Variants in TFDP1 observed in about 807,000 individuals in gnomAD.
The protein encoded by TFDP1 is DRTF1-polypeptide 1.
TFDP1 carries 6 observed loss-of-function variants against 48.0 expected under a neutral mutation model. The observed-to-expected ratio is 0.13, with a 90% CI of 0.07 to 0.25. The LOEUF is 0.25. TFDP1 is among the 10% of genes least tolerant of loss of function. The pLI, the probability that TFDP1 is intolerant of heterozygous loss-of-function variation, is 1.00. For missense variants in TFDP1, 335 were observed against 543.0 expected (o/e 0.62, Z 3.81); for synonymous variants, 201 against 211.6 (o/e 0.95, Z 0.44).
chr13:113,592,354 T>C (rs1468612576), intron 2 of TFDP1, among the ~76,000 whole-genome samples: 1 of 152,210 alleles, frequency 6.6e-6, no homozygotes, highest in Non-Finnish European at 1.5e-5. Flanking sequence ...ACGGGGTTTC[T>C]TCATGTTGCT....
intron 2 of TFDP1, among the ~76,000 whole-genome samples, chr13:113,594,494 A>ATCCTCAGCCCTGTCCAGGTGACAGGTG (rs2048237818): frequency 1.6e-5 from 1 of 61,192 alleles, no homozygotes; most frequent in African/African-American, 4.1e-5. Flanking sequence ...GGTGACAGGT[A>ATCCTCAGCCCTGTCCAGGTGACAGGTG]TGGTGTGCGC....
intron 4 of TFDP1, 130 bp from the exon 5 acceptor site, chr13:113,631,493 G>T: frequency 1.6e-6 from 2 of 1,221,644 alleles, no homozygotes; most frequent in South Asian, 2.2e-5. Context: ...CGTTTTTCCT[G>T]CTCCGTCATG....
At chr13:113,618,611 G>A (rs2140451907) in intron 3 of TFDP1, among the ~76,000 whole-genome samples, 1 of 152,332 alleles carries the variant, frequency 6.6e-6, no homozygotes, top group Admixed American at 6.5e-5. Context: ...GGCTGCCACT[G>A]GTGCGTCTGG....
intron 1 of TFDP1, 118 bp from the exon 2 acceptor site, chr13:113,585,656 G>T (rs1164644367): frequency 8.5e-6 from 5 of 588,264 alleles, no homozygotes; most frequent in Non-Finnish European, 1.5e-5. Context: ...TCTCAGGATG[G>T]AGGGTGCCTT....
intron 2 of TFDP1, among the ~76,000 whole-genome samples, chr13:113,592,436 C>T (rs916906843): frequency 6.6e-6 from 1 of 152,250 alleles, no homozygotes; most frequent in Non-Finnish European, 1.5e-5. Flanking sequence ...GGATTCCAGG[C>T]GTGAGCCACC....
intron 3 of TFDP1, among the ~76,000 whole-genome samples, chr13:113,616,294 C>T (rs746537381): frequency 5.9e-5 from 9 of 151,654 alleles, no homozygotes; most frequent in Non-Finnish European, 1.3e-4. Flanking sequence ...CTCTCCATGC[C>T]GTGTGGTGGC....
chr13:113,639,702 C>T (rs1452402782), intron 11 of TFDP1, among the ~76,000 whole-genome samples: 2 of 152,180 alleles, frequency 1.3e-5, no homozygotes, highest in South Asian at 2.1e-4. Flanking sequence ...CTGCCAGATT[C>T]GACCCACGCT....
intron 2 of TFDP1, among the ~76,000 whole-genome samples, chr13:113,586,540 T>C (rs191531099): frequency 5.7e-4 from 87 of 152,344 alleles, no homozygotes; most frequent in Non-Finnish European, 1.1e-3. Context: ...CTGGATTCTT[T>C]AGTGTTTCCC....
rs1202926858 is a variant in TFDP1 at position 113,640,487 on chromosome 13, TA to T, written c.*221del. ...TACCAGTGTGCTGATGCAGAGCGTT[TA>T]TTTACTTGTTAGGATTTTGTGTTTT... On this transcript the variant is annotated 3_prime_UTR_variant, in exon 12 of 12. Transcript: ENST00000375370. 4 of 609,966 alleles carry T rather than the reference TA, an allele frequency of 6.6e-6. No homozygotes were observed. Among genetic ancestry groups the T allele is most frequent in the Non-Finnish European group, 1.0e-5 (4 of 400,126 alleles). The allele number at this position is 609,966 out of a possible 1,614,324, so 37.8% of individuals were successfully genotyped here. A position where few individuals can be genotyped will look rare whatever the true frequency, so the allele number is the denominator to read the frequency against.
At chr13:113,612,392 C>T (rs1306067988) in intron 3 of TFDP1, among the ~76,000 whole-genome samples, 1 of 152,258 alleles carries the variant, frequency 6.6e-6, no homozygotes, top group East Asian at 1.9e-4. Flanking sequence ...GAAGCAGGTC[C>T]TTCCCTGCCG....
chr13:113,636,169 C>G (rs763215080), intron 9 of TFDP1, 41 bp downstream of exon 9: 5 of 1,607,168 alleles, frequency 3.1e-6, no homozygotes, highest in Non-Finnish European at 4.3e-6. Context: ...TCACCCATCT[C>G]TTTTTTAGGG....
intron 11 of TFDP1, 104 bp from the exon 12 acceptor site, chr13:113,640,016 C>G: frequency 1.2e-6 from 1 of 841,782 alleles, no homozygotes. Context: ...TGACAAAACC[C>G]ACACCTGTGG....
chr13:113,588,828 G>C (rs943829017), intron 2 of TFDP1, among the ~76,000 whole-genome samples: 2 of 151,212 alleles, frequency 1.3e-5, no homozygotes, highest in Non-Finnish European at 3.0e-5. Flanking sequence ...ATGGTAGATT[G>C]GATGGAGAGT....
At chr13:113,622,514 C>T (rs1353977095) in intron 3 of TFDP1, among the ~76,000 whole-genome samples, 1 of 152,218 alleles carries the variant, frequency 6.6e-6, no homozygotes, top group Non-Finnish European at 1.5e-5. Flanking sequence ...TCTCTCTGCC[C>T]GCTGATGCCA....
chr13:113,636,312 G>A (rs994123237), intron 9 of TFDP1, among the ~76,000 whole-genome samples, 184 bp downstream of exon 9: 2 of 152,256 alleles, frequency 1.3e-5, no homozygotes, highest in South Asian at 2.1e-4. Flanking sequence ...TCTCTGTTCC[G>A]GGAGCGTGTG....
At chr13:113,593,710 G>A (rs1465780265) in intron 2 of TFDP1, among the ~76,000 whole-genome samples, 6 of 136,322 alleles carry the variant, frequency 4.4e-5, no homozygotes, top group Admixed American at 3.0e-4. Context: ...TGTGGTGTAC[G>A]TGGGTCCTCA....
intron 2 of TFDP1, among the ~76,000 whole-genome samples, chr13:113,604,880 T>C (rs1390827983): frequency 6.6e-6 from 1 of 152,156 alleles, no homozygotes. Flanking sequence ...TTTACTGCTG[T>C]GTGCAGGCCC....
intron 2 of TFDP1, among the ~76,000 whole-genome samples, chr13:113,587,026 C>G (rs1390339755): frequency 6.6e-6 from 1 of 152,230 alleles, no homozygotes; most frequent in African/African-American, 2.4e-5. Flanking sequence ...GGACCCAGGG[C>G]CTCGGTTAGA....
chr13:113,630,938 C>T (rs1331156966), intron 4 of TFDP1, among the ~76,000 whole-genome samples: 1 of 152,138 alleles, frequency 6.6e-6, no homozygotes, highest in Non-Finnish European at 1.5e-5. Context: ...GTGTGTGAGC[C>T]CCAGGGGCGT....
Sources: allele counts gnomAD v4.1 joint callset (sites outside exome capture counted in the v4.1 genomes callset), GRCh38; gene constraint gnomAD v4.1.1; transcripts MANE v1.5; gene names NCBI Gene and HGNC (gene_info 2026-07-23, HGNC 2026-07-21).